SHISA9: variants seen among roughly 807,000 people sequenced by gnomAD.
The protein encoded by SHISA9 is protein shisa-9.
Under a neutral mutation model 38.0 loss-of-function variants are expected in SHISA9, and 13 were observed. That is an observed-to-expected ratio of 0.34 (90% CI 0.22 to 0.54). SHISA9 has a LOEUF of 0.54. Ranked by LOEUF, SHISA9 falls within the 20% of genes least tolerant of loss-of-function variation. SHISA9 has a pLI of 0.91. For synonymous variants in SHISA9, 275 were observed against 242.0 expected (o/e 1.14, Z -1.27); for missense variants, 538 against 575.8 (o/e 0.93, Z 0.67).
chr16:13,369,015 A>G, the SHISA9 span, among the ~76,000 whole-genome samples: 1 of 152,190 alleles, frequency 6.6e-6, no homozygotes. Flanking sequence ...AAGAAAAGGT[A>G]CTAGAATGGA....
At chr16:13,466,115 C>T in the SHISA9 span, among the ~76,000 whole-genome samples, 1 of 152,198 alleles carries the variant, frequency 6.6e-6, no homozygotes, top group Non-Finnish European at 1.5e-5. Flanking sequence ...CCTGTTCCCA[C>T]AATGTTATGT....
chr16:13,497,696 A>G, the SHISA9 span, among the ~76,000 whole-genome samples: 3 of 133,224 alleles, frequency 2.3e-5, no homozygotes, highest in Non-Finnish European at 5.3e-5. Flanking sequence ...AAAAAAAAAA[A>G]AAAAAGAAAA....
the SHISA9 span, among the ~76,000 whole-genome samples, chr16:13,428,648 G>A: frequency 2.6e-5 from 4 of 152,184 alleles, no homozygotes; most frequent in Admixed American, 2.6e-4. Context: ...AGTGCTCAGG[G>A]AAGAGAAGTT....
chr16:13,178,316 C>T (rs2050748810), intron 2 of SHISA9, among the ~76,000 whole-genome samples: 1 of 151,008 alleles, frequency 6.6e-6, no homozygotes, highest in African/African-American at 2.4e-5. Context: ...AAGCCCATCC[C>T]TCTCTCTGGG....
chr16:13,040,471 G>T (rs1294151714), intron 2 of SHISA9, among the ~76,000 whole-genome samples: 1 of 152,140 alleles, frequency 6.6e-6, no homozygotes, highest in Non-Finnish European at 1.5e-5. Flanking sequence ...AAAGCTTTCT[G>T]CCCTGCCAGT....
the SHISA9 span, among the ~76,000 whole-genome samples, chr16:13,406,291 C>G: frequency 6.6e-6 from 1 of 152,156 alleles, no homozygotes; most frequent in African/African-American, 2.4e-5. Flanking sequence ...CACACTCTGT[C>G]TCTAAAATCC....
chr16:12,953,325 G>A (rs2071785163), intron 2 of SHISA9, among the ~76,000 whole-genome samples: 1 of 152,166 alleles, frequency 6.6e-6, no homozygotes. Flanking sequence ...TGCAGACATT[G>A]ACTGATTATT....
At chr16:13,435,879 T>C in the SHISA9 span, among the ~76,000 whole-genome samples, 11 of 152,100 alleles carry the variant, frequency 7.2e-5, no homozygotes, top group Admixed American at 2.0e-4. Flanking sequence ...GGTGAGGGAA[T>C]CAGGTTTCTG....
At chr16:13,019,900 T>C (rs867857072) in intron 2 of SHISA9, among the ~76,000 whole-genome samples, 15 of 42,994 alleles carry the variant, frequency 3.5e-4, no homozygotes, top group South Asian at 1.8e-3. Flanking sequence ...TCTTTCTTTC[T>C]TTCTTTCTTT....
At chr16:13,019,952 T>G (rs1437051669) in intron 2 of SHISA9, among the ~76,000 whole-genome samples, 1,089 of 59,070 alleles carry the variant, frequency 0.018, 78 homozygotes, top group Non-Finnish European at 0.032. Flanking sequence ...TCTTTCTTTC[T>G]TTCTTTCCCT....
intron 2 of SHISA9, among the ~76,000 whole-genome samples, chr16:13,149,049 A>G (rs2050474270): frequency 6.6e-6 from 1 of 152,150 alleles, no homozygotes; most frequent in South Asian, 2.1e-4. Context: ...TGTTCTAGGC[A>G]AAGGGATATT....
intron 2 of SHISA9, among the ~76,000 whole-genome samples, chr16:12,988,235 TAGTC>T (rs987853530): frequency 1.1e-4 from 16 of 152,232 alleles, no homozygotes; most frequent in African/African-American, 3.6e-4. Flanking sequence ...TTTAAATTGT[TAGTC>T]AGTTAAATTC....
intron 2 of SHISA9, among the ~76,000 whole-genome samples, chr16:12,933,838 C>T (rs8053693): frequency 0.12 from 18,489 of 151,856 alleles, 1,332 homozygotes; most frequent in African/African-American, 0.21. Flanking sequence ...GTTCTGACCA[C>T]GGGAGCCTAT....
chr16:13,027,456 G>T (rs559786700), intron 2 of SHISA9, among the ~76,000 whole-genome samples: 8 of 152,226 alleles, frequency 5.3e-5, no homozygotes, highest in East Asian at 1.9e-4. Context: ...CTATCCAAGA[G>T]AATTGAAAAT....
At chr16:13,474,945 A>G in the SHISA9 span, among the ~76,000 whole-genome samples, 1 of 152,254 alleles carries the variant, frequency 6.6e-6, no homozygotes, top group Non-Finnish European at 1.5e-5. Flanking sequence ...GGGGACAGTC[A>G]TAAACGACTG....
chr16:13,410,182 A>AT, the SHISA9 span, among the ~76,000 whole-genome samples: 1 of 152,198 alleles, frequency 6.6e-6, no homozygotes. Context: ...TTTGAAGTTG[A>AT]TTTTTAGTAT....
intron 2 of SHISA9, among the ~76,000 whole-genome samples, chr16:13,182,974 T>C (rs1361695587): frequency 6.6e-6 from 1 of 152,230 alleles, no homozygotes; most frequent in African/African-American, 2.4e-5. Context: ...CAATGGATAC[T>C]GGCTGTCATC....
intron 2 of SHISA9, among the ~76,000 whole-genome samples, chr16:13,130,857 G>A: frequency 6.6e-6 from 1 of 152,274 alleles, no homozygotes; most frequent in South Asian, 2.1e-4. Context: ...CTGCATGAAT[G>A]TCTTCTTTTG....
chr16:12,920,606 T>C (rs989208068), intron 2 of SHISA9, among the ~76,000 whole-genome samples: 1 of 152,318 alleles, frequency 6.6e-6, no homozygotes, highest in Non-Finnish European at 1.5e-5. Flanking sequence ...ACATCTCATG[T>C]ACCCTACAAA....
Sources: allele counts gnomAD v4.1 joint callset (sites outside exome capture counted in the v4.1 genomes callset), GRCh38; gene constraint gnomAD v4.1.1; transcripts MANE v1.5; gene names NCBI Gene and HGNC (gene_info 2026-07-23, HGNC 2026-07-21).